Variants in DCC observed in about 807,000 individuals in gnomAD.
DCC encodes DCC netrin 1 receptor.
DCC carries 58 observed loss-of-function variants against 172.5 expected under a neutral mutation model. The ratio of observed to expected loss-of-function variants is 0.34; its 90% CI spans 0.27 to 0.42. The LOEUF is 0.42. DCC is among the 10% of genes least tolerant of loss of function. DCC has a pLI of 1.00. For missense variants in DCC, 1,740 were observed against 1,791.0 expected, an observed-to-expected ratio of 0.97 and a Z score of 0.51; for synonymous variants, 709 against 644.5, an observed-to-expected ratio of 1.10 and a Z score of -1.52.
intron 12 of DCC, among the ~76,000 whole-genome samples, chr18:53,247,766 A>C (rs966248764): frequency 6.6e-6 from 1 of 151,992 alleles, no homozygotes; most frequent in South Asian, 2.1e-4. Flanking sequence ...CTTGGAAACT[A>C]GTCTATTTGG....
At chr18:53,010,265 C>T (rs1231542075) in intron 5 of DCC, among the ~76,000 whole-genome samples, 1 of 151,856 alleles carries the variant, frequency 6.6e-6, no homozygotes, top group African/African-American at 2.4e-5. Flanking sequence ...AATTAAAATG[C>T]CCACGCTTTT....
rs147709635 is a variant in DCC at position 53,205,318 on chromosome 18, A to G, written c.1676A>G (p.Gln559Arg). ...CCTGCCTATGCAAACGGTCCAGTCC[A>G]AGGTTACAGATTGTTCTGCACTGAG... ...EPPAYANGPV[Q>R]GYRLFCTEVS... Residue 559 changes from glutamine to arginine, a missense_variant, in exon 10 of 29, where the codon CAA becomes CGA. Gln to Arg is a conservative substitution (Grantham distance 43, BLOSUM62 1). Around this residue, in one of 2 missense-constraint regions of DCC, gnomAD observed 1,732 missense variants for 1,767.4 expected, o/e 0.98. Coordinates refer to ENST00000442544, the MANE Select transcript of DCC (RefSeq NM_005215.4). 2.6e-5 allele frequency: 42 copies of G among 1,613,828 alleles called. No homozygotes were observed. The African/African-American group carries it at 5.3e-4, about 21-fold the overall frequency.
chr18:53,087,129 G>A (rs958284419), intron 7 of DCC, among the ~76,000 whole-genome samples: 4 of 152,054 alleles, frequency 2.6e-5, no homozygotes, highest in Admixed American at 2.6e-4. Context: ...CAATGGGATG[G>A]CTGGGTCAAA....
chr18:52,898,079 A>C (rs952488247), intron 2 of DCC, among the ~76,000 whole-genome samples: 1 of 152,218 alleles, frequency 6.6e-6, no homozygotes, highest in African/African-American at 2.4e-5. Context: ...GAAGGGATGT[A>C]ACCTTCAGGC....
At chr18:53,407,279 T>C (rs887781656) in intron 19 of DCC, among the ~76,000 whole-genome samples, 10 of 151,882 alleles carry the variant, frequency 6.6e-5, no homozygotes, top group African/African-American at 1.9e-4. Flanking sequence ...GTAAAACTTA[T>C]GTACTTACAG....
intron 7 of DCC, among the ~76,000 whole-genome samples, chr18:53,079,674 A>G (rs2042771145): frequency 6.6e-6 from 1 of 152,184 alleles, no homozygotes; most frequent in South Asian, 2.1e-4. Context: ...AGCACAAAGG[A>G]GAACTTAAAC....
chr18:53,424,734 G>A (rs1254131424), intron 21 of DCC, among the ~76,000 whole-genome samples: 1 of 152,110 alleles, frequency 6.6e-6, no homozygotes, highest in South Asian at 2.1e-4. Context: ...CTACAGGATG[G>A]GCTCCAGGAA....
chr18:53,224,766 G>A (rs765218607), intron 12 of DCC, among the ~76,000 whole-genome samples: 11 of 152,176 alleles, frequency 7.2e-5, no homozygotes, highest in Non-Finnish European at 1.6e-4. Context: ...AGATTGTGGA[G>A]CTACTTAATG....
chr18:53,478,094 G>T (rs1041751161), intron 25 of DCC, among the ~76,000 whole-genome samples: 1 of 152,184 alleles, frequency 6.6e-6, no homozygotes, highest in Non-Finnish European at 1.5e-5. Flanking sequence ...CACCAGTGAG[G>T]GTGAAGGATA....
Position 52,694,469 on chromosome 18 carries a change from C to T in DCC, c.92-57585C>T, listed in dbSNP as rs1012735975. ...TTGGTCCAAATGGCTCAGTCCCTTC[C>T]GGTATAGGATTCCACACTGTTCTAT... On this transcript the variant is annotated intron_variant, in intron 1 of 28. Coordinates refer to ENST00000442544, the MANE Select transcript of DCC (RefSeq NM_005215.4). Among the ~76,000 whole-genome samples the T allele has an allele frequency of 1.1e-4, 17 of 152,152 alleles. 1 individual carries two copies. Among genetic ancestry groups the T allele is most frequent in the Middle Eastern group, 3.4e-3 (1 of 292 alleles).
At chr18:53,088,868 GA>G (rs1256051427) in intron 7 of DCC, among the ~76,000 whole-genome samples, 1 of 152,020 alleles carries the variant, frequency 6.6e-6, no homozygotes, top group Non-Finnish European at 1.5e-5. Flanking sequence ...TTCTCATTGT[GA>G]ATATTAAAAA....
intron 20 of DCC, among the ~76,000 whole-genome samples, chr18:53,411,704 A>G (rs775305625): frequency 1.8e-4 from 27 of 152,150 alleles, no homozygotes; most frequent in Non-Finnish European, 3.7e-4. Context: ...AAATTTGCCA[A>G]CAACACACAA....
chr18:52,762,719 G>A (rs2037183728), intron 2 of DCC, among the ~76,000 whole-genome samples: 2 of 151,956 alleles, frequency 1.3e-5, no homozygotes, highest in African/African-American at 4.8e-5. Flanking sequence ...AGCTACTTAG[G>A]AGGCTGAAGT....
chr18:53,494,653 T>A (rs912681045), intron 26 of DCC, among the ~76,000 whole-genome samples: 1 of 152,208 alleles, frequency 6.6e-6, no homozygotes, highest in Non-Finnish European at 1.5e-5. Flanking sequence ...TTTCTTGCTT[T>A]CCATTTGCTT....
intron 2 of DCC, among the ~76,000 whole-genome samples, chr18:52,896,785 A>G (rs112478441): frequency 0.016 from 2,468 of 152,290 alleles, 61 homozygotes; most frequent in African/African-American, 0.053. Flanking sequence ...TGAAATCAAG[A>G]GGAGCAGGAC....
At chr18:52,571,675 C>T (rs1272770739) in intron 1 of DCC, among the ~76,000 whole-genome samples, 5 of 152,250 alleles carry the variant, frequency 3.3e-5, no homozygotes, top group African/African-American at 1.2e-4. Context: ...AGGCACAAAA[C>T]AGGTCAAGGC....
intron 1 of DCC, among the ~76,000 whole-genome samples, chr18:52,392,061 A>G (rs756662567): frequency 3.9e-5 from 6 of 152,192 alleles, no homozygotes; most frequent in Admixed American, 6.5e-5. Flanking sequence ...TGAGGCGCAC[A>G]GATTGCCTGC....
intron 1 of DCC, among the ~76,000 whole-genome samples, chr18:52,727,375 G>A (rs1238760261): frequency 6.6e-6 from 1 of 152,208 alleles, no homozygotes; most frequent in Non-Finnish European, 1.5e-5. Context: ...CCAAGAGTTA[G>A]GATAAGGACT....
chr18:53,283,322 C>A (rs2056894880), intron 12 of DCC, among the ~76,000 whole-genome samples: 1 of 152,068 alleles, frequency 6.6e-6, no homozygotes, highest in Non-Finnish European at 1.5e-5. Context: ...CAAGTGTATT[C>A]TGTTCTATTC....
Sources: gnomAD v4.1 joint callset for allele counts (sites outside exome capture counted in the v4.1 genomes callset) on GRCh38, gnomAD v4.1.1 for gene constraint, gnomAD v4.1.1 regional missense constraint, MANE v1.5 for transcripts, NCBI Gene and HGNC (gene_info 2026-07-23, HGNC 2026-07-21) for gene names.